The following PTPRD variants were observed in gnomAD, a reference collection of about 807,000 sequenced individuals.
PTPRD encodes the protein protein tyrosine phosphatase receptor type D.
A neutral mutation model predicts 214.5 loss-of-function variants in PTPRD; 34 were observed. The ratio of observed to expected loss-of-function variants is 0.16; its 90% CI spans 0.12 to 0.21. The LOEUF (loss-of-function observed/expected upper bound fraction) is 0.21, where lower values mean the gene tolerates loss of function less well. Among genes scored for constraint, PTPRD ranks in the 10% least tolerant of loss-of-function variants. The pLI, the probability that PTPRD is intolerant of heterozygous loss-of-function variation, is 1.00. For missense variants in PTPRD, 2,545 were observed against 2,398.7 expected, an observed-to-expected ratio of 1.06 and a Z score of -1.27; for synonymous variants, 1,128 against 845.7, an observed-to-expected ratio of 1.33 and a Z score of -5.79.
chr9:8,736,611 CTTT>C (rs1443418723), intron 11 of PTPRD, among the ~76,000 whole-genome samples: 1 of 151,922 alleles, frequency 6.6e-6, no homozygotes, highest in Non-Finnish European at 1.5e-5. Context: ...AAGATATTAC[CTTT>C]TTTATTAGTA....
intron 39 of PTPRD, among the ~76,000 whole-genome samples, chr9:8,371,568 A>C (rs901148993): frequency 1.3e-5 from 2 of 152,088 alleles, no homozygotes; most frequent in African/African-American, 4.8e-5. Context: ...TTACAACTCA[A>C]ATGTCTACAA....
intron 12 of PTPRD, among the ~76,000 whole-genome samples, chr9:8,698,442 T>C (rs2097981972): frequency 3.9e-5 from 6 of 152,218 alleles, no homozygotes; most frequent in Admixed American, 3.9e-4. Flanking sequence ...GTAGCAAGTG[T>C]ATCTCCTATG....
intron 8 of PTPRD, among the ~76,000 whole-genome samples, chr9:9,488,429 C>T (rs1462920613): frequency 6.6e-6 from 1 of 152,178 alleles, no homozygotes; most frequent in Non-Finnish European, 1.5e-5. Flanking sequence ...GGCTCTCCCA[C>T]TCAGTTGTAC....
intron 9 of PTPRD, among the ~76,000 whole-genome samples, chr9:9,350,590 A>C (rs1230625391): frequency 1.3e-5 from 2 of 152,032 alleles, no homozygotes; most frequent in African/African-American, 2.4e-5. Context: ...ATTTTTGTAT[A>C]CATTGGTCAT....
chr9:10,229,152 A>C (rs1278881411), intron 3 of PTPRD, among the ~76,000 whole-genome samples: 1 of 152,094 alleles, frequency 6.6e-6, no homozygotes, highest in Non-Finnish European at 1.5e-5. Context: ...CCACAATGAG[A>C]TACTATCTCA....
intron 3 of PTPRD, among the ~76,000 whole-genome samples, chr9:10,054,838 G>A (rs1688819445): frequency 6.6e-6 from 1 of 152,034 alleles, no homozygotes; most frequent in African/African-American, 2.4e-5. Flanking sequence ...CTTATAAACT[G>A]AATGTTTTTG....
intron 8 of PTPRD, among the ~76,000 whole-genome samples, chr9:9,495,650 C>T (rs1357333204): frequency 6.6e-6 from 1 of 152,110 alleles, no homozygotes; most frequent in Non-Finnish European, 1.5e-5. Context: ...CGCCCCGACT[C>T]CCCTCTCTGC....
chr9:9,545,460 T>C (rs2078568156), intron 8 of PTPRD, among the ~76,000 whole-genome samples: 1 of 151,916 alleles, frequency 6.6e-6, no homozygotes, highest in Non-Finnish European at 1.5e-5. Flanking sequence ...GATTCCTCCA[T>C]GTTTTTAAAA....
intron 11 of PTPRD, among the ~76,000 whole-genome samples, chr9:8,849,672 C>T (rs2097774959): frequency 6.6e-6 from 1 of 152,114 alleles, no homozygotes; most frequent in Non-Finnish European, 1.5e-5. Flanking sequence ...ATTGGTAGAA[C>T]TAAAGAGGTG....
At chr9:10,477,605 A>G (rs2099071477) in intron 2 of PTPRD, among the ~76,000 whole-genome samples, 1 of 152,124 alleles carries the variant, frequency 6.6e-6, no homozygotes, top group Admixed American at 6.6e-5. Flanking sequence ...CAGAAATACC[A>G]TTTGACCCAG....
At chr9:8,529,764 T>G (rs532774998) in intron 14 of PTPRD, among the ~76,000 whole-genome samples, 1 of 152,108 alleles carries the variant, frequency 6.6e-6, no homozygotes. Context: ...TTATCCAAAT[T>G]AGAACATGGC....
intron 3 of PTPRD, among the ~76,000 whole-genome samples, chr9:10,299,938 T>G (rs896799427): frequency 6.6e-6 from 1 of 152,166 alleles, no homozygotes; most frequent in Non-Finnish European, 1.5e-5. Flanking sequence ...TATAGAAAAC[T>G]TGGTGTACTA....
intron 12 of PTPRD, among the ~76,000 whole-genome samples, chr9:8,719,950 T>C (rs935244661): frequency 9.9e-5 from 15 of 152,222 alleles, no homozygotes; most frequent in Non-Finnish European, 1.8e-4. Flanking sequence ...TCTAAGATTG[T>C]TCCTCAAGCT....
At chr9:9,871,024 A>T (rs1470461251) in intron 5 of PTPRD, among the ~76,000 whole-genome samples, 1 of 152,170 alleles carries the variant, frequency 6.6e-6, no homozygotes, top group Non-Finnish European at 1.5e-5. Context: ...TAAGAGATGT[A>T]TTCATTTGAT....
intron 9 of PTPRD, among the ~76,000 whole-genome samples, chr9:9,255,891 G>T (rs188725000): frequency 1.3e-4 from 20 of 152,124 alleles, no homozygotes; most frequent in Admixed American, 1.2e-3. Context: ...CAGAGAGAAT[G>T]TTCAAACCTC....
intron 3 of PTPRD, among the ~76,000 whole-genome samples, chr9:10,304,238 C>A (rs374424926): frequency 6.6e-6 from 1 of 151,940 alleles, no homozygotes; most frequent in Non-Finnish European, 1.5e-5. Context: ...ACTCTCAATA[C>A]GCTAGGTACT....
chr9:8,924,027 G>A (rs567533814), intron 11 of PTPRD, among the ~76,000 whole-genome samples: 36 of 152,148 alleles, frequency 2.4e-4, no homozygotes, highest in Admixed American at 1.1e-3. Flanking sequence ...ACAAAAAGAA[G>A]GCAGTCATTT....
chr9:8,537,748 T>C (rs2077302868), intron 14 of PTPRD, among the ~76,000 whole-genome samples: 1 of 151,744 alleles, frequency 6.6e-6, no homozygotes. Flanking sequence ...TTTTGAGGAG[T>C]TTGCAAGGTA....
chr9:10,422,649 T>C (rs1296816998), intron 2 of PTPRD, among the ~76,000 whole-genome samples: 1 of 152,004 alleles, frequency 6.6e-6, no homozygotes, highest in Non-Finnish European at 1.5e-5. Context: ...GCAAAGGATA[T>C]GAACACACAC....
Sources: gnomAD v4.1 joint callset for allele counts (sites outside exome capture counted in the v4.1 genomes callset) on GRCh38, gnomAD v4.1.1 for gene constraint, MANE v1.5 for transcripts, NCBI Gene and HGNC (gene_info 2026-07-23, HGNC 2026-07-21) for gene names.